The following CYRIB variants were observed in gnomAD, a reference collection of about 807,000 sequenced individuals.
CYRIB encodes the protein CYFIP-related Rac1 interactor B.
In CYRIB, 8 loss-of-function variants were observed where a neutral mutation model predicts 44.2. The observed-to-expected ratio is 0.18, with a 90% CI of 0.11 to 0.33. CYRIB has a LOEUF of 0.33. Ranked by LOEUF, CYRIB falls within the 10% of genes least tolerant of loss-of-function variation. CYRIB has a pLI of 1.00. For synonymous variants in CYRIB, 131 were observed against 127.2 expected (o/e 1.03, Z -0.20); for missense variants, 185 against 382.8 (o/e 0.48, Z 4.31).
intron 2 of CYRIB, among the ~76,000 whole-genome samples, chr8:129,893,133 T>C (rs145682147): frequency 6.6e-6 from 1 of 152,356 alleles, no homozygotes; most frequent in East Asian, 1.9e-4. Context: ...GGAATTCAGG[T>C]ACCTACCTCT....
At chr8:129,970,200 G>A (rs930284818) in intron 2 of CYRIB, among the ~76,000 whole-genome samples, 8 of 152,134 alleles carry the variant, frequency 5.3e-5, no homozygotes, top group South Asian at 2.1e-4. Context: ...GCACGCCTAC[G>A]TAGAAATGGC....
upstream of CYRIB, among the ~76,000 whole-genome samples, chr8:129,940,704 A>G (rs2093625371): frequency 6.6e-6 from 1 of 152,184 alleles, no homozygotes; most frequent in South Asian, 2.1e-4. Flanking sequence ...AGGGGAAAAG[A>G]TGACAATGTT....
chr8:129,842,067 A>T, exon 12 of CYRIB: 1 of 979,862 alleles, frequency 1.0e-6, no homozygotes, highest in South Asian at 1.4e-5. Flanking sequence ...AGTAATTGCA[A>T]TCACTAAAAA....
chr8:129,904,021 TG>T (rs1371168887), intron 1 of CYRIB, among the ~76,000 whole-genome samples: 1 of 152,220 alleles, frequency 6.6e-6, no homozygotes, highest in Non-Finnish European at 1.5e-5. Context: ...CCCATAGTGC[TG>T]GGATTACAGG....
chr8:129,907,906 G>A (rs1433752759), intron 1 of CYRIB, among the ~76,000 whole-genome samples: 1 of 152,162 alleles, frequency 6.6e-6, no homozygotes, highest in Admixed American at 6.5e-5. Flanking sequence ...GGAAGCTGAG[G>A]CACAAGAATT....
intron 1 of CYRIB, among the ~76,000 whole-genome samples, chr8:130,011,547 G>T (rs1386967207): frequency 6.8e-6 from 1 of 147,854 alleles, no homozygotes; most frequent in Non-Finnish European, 1.5e-5. Context: ...GCTGGGCATG[G>T]TGGCTCACGC....
At chr8:130,001,873 G>A (rs2096917112) in intron 1 of CYRIB, among the ~76,000 whole-genome samples, 1 of 152,136 alleles carries the variant, frequency 6.6e-6, no homozygotes, top group Middle Eastern at 3.2e-3. Flanking sequence ...TGGAAGGAAT[G>A]GTGAGATTCT....
At chr8:129,925,305 C>A (rs576130130) in intron 1 of CYRIB, among the ~76,000 whole-genome samples, 2 of 152,004 alleles carry the variant, frequency 1.3e-5, no homozygotes, top group Non-Finnish European at 2.9e-5. Flanking sequence ...GGCTGAGGCA[C>A]GAGAATTGCT....
chr8:129,907,382 T>C (rs962747550), intron 1 of CYRIB, among the ~76,000 whole-genome samples: 2 of 150,766 alleles, frequency 1.3e-5, no homozygotes, highest in African/African-American at 4.9e-5. Context: ...CACTCATAGG[T>C]GGGAACTGAA....
At chr8:129,965,207 C>G (rs1232322335) in intron 2 of CYRIB, among the ~76,000 whole-genome samples, 1 of 151,834 alleles carries the variant, frequency 6.6e-6, no homozygotes, top group Admixed American at 6.6e-5. Context: ...ACCCACAATC[C>G]CCTAAGCTTT....
chr8:129,915,066 C>T (rs1034212031), intron 1 of CYRIB, among the ~76,000 whole-genome samples: 11 of 152,166 alleles, frequency 7.2e-5, no homozygotes, highest in African/African-American at 2.7e-4. Context: ...AAATGAATTC[C>T]TATACACTTG....
At chr8:129,850,013 A>T (rs1050366780) in intron 9 of CYRIB, 5 of 152,274 alleles carry the variant, frequency 3.3e-5, no homozygotes, top group African/African-American at 1.2e-4. Context: ...TCATAGCGGA[A>T]AGAGTACGGA....
At chr8:129,917,540 T>TA (rs1351095598) in intron 1 of CYRIB, among the ~76,000 whole-genome samples, 7 of 151,716 alleles carry the variant, frequency 4.6e-5, no homozygotes, top group Admixed American at 2.0e-4. Flanking sequence ...ACTCAATTCT[T>TA]AAAAAAAAAT....
chr8:129,925,445 G>A lies in CYRIB; in HGVS notation c.-50+14163C>T, dbSNP rs1310536874. On this transcript the variant is annotated intron_variant, in intron 1 of 11. Coordinates refer to ENST00000519824, the Ensembl canonical transcript of CYRIB. ...AAAGTTTAAAGCTGATTCTGTTCAG[G>A]AATGCTTTCAGGGGTTCCTTGAAAG... Among the ~76,000 whole-genome samples the A allele has an allele frequency of 2.0e-5, 3 of 152,096 alleles. No homozygotes were observed. The East Asian group carries it at 5.8e-4, about 29-fold the overall frequency.
At chr8:129,954,688 G>A (rs531904892) in intron 2 of CYRIB, among the ~76,000 whole-genome samples, 1 of 152,080 alleles carries the variant, frequency 6.6e-6, no homozygotes, top group African/African-American at 2.4e-5. Flanking sequence ...ACTTGTCTAG[G>A]GGCACGATCC....
intron 4 of CYRIB, among the ~76,000 whole-genome samples, chr8:129,863,902 G>A (rs1485928717): frequency 6.6e-6 from 1 of 152,094 alleles, no homozygotes; most frequent in Admixed American, 6.5e-5. Flanking sequence ...CATACCATCT[G>A]AAATTCAGAA....
chr8:129,858,612 T>C (rs1389503756), intron 5 of CYRIB, among the ~76,000 whole-genome samples: 1 of 152,186 alleles, frequency 6.6e-6, no homozygotes, highest in African/African-American at 2.4e-5. Context: ...TTCTAAAGGA[T>C]TTAAGACAAC....
intron 1 of CYRIB, among the ~76,000 whole-genome samples, chr8:129,988,503 G>A (rs1162066220): frequency 1.3e-5 from 2 of 152,168 alleles, no homozygotes; most frequent in East Asian, 3.8e-4. Context: ...CAGTGTTTCC[G>A]AATGTTTAGG....
At chr8:129,981,120 G>C (rs1187205608) in intron 1 of CYRIB, among the ~76,000 whole-genome samples, 1 of 152,166 alleles carries the variant, frequency 6.6e-6, no homozygotes, top group Non-Finnish European at 1.5e-5. Context: ...GTTAAACTGA[G>C]AGACAGAGTT....
Sources: allele counts gnomAD v4.1 joint callset (sites outside exome capture counted in the v4.1 genomes callset), GRCh38; gene constraint gnomAD v4.1.1; transcripts MANE v1.5; gene names NCBI Gene and HGNC (gene_info 2026-07-23, HGNC 2026-07-21).